RMI1: variants seen among roughly 807,000 people sequenced by gnomAD.
RMI1 encodes the protein RecQ mediated genome instability 1.
A neutral mutation model predicts 46.7 loss-of-function variants in RMI1; 36 were observed. The observed-to-expected ratio is 0.77, with a 90% CI of 0.59 to 1.02. The LOEUF (loss-of-function observed/expected upper bound fraction) is 1.02, where lower values mean the gene tolerates loss of function less well. RMI1 is among the 50% of genes least tolerant of loss of function. The pLI is 0.00. For synonymous variants in RMI1, 250 were observed against 252.9 expected (o/e 0.99, Z 0.11); for missense variants, 676 against 713.7 (o/e 0.95, Z 0.60).
rs1957757914 is a variant in RMI1 at position 84,002,725 on chromosome 9, A to C, written c.1739A>C (p.Lys580Thr). 1.2e-6 allele frequency: 2 copies of C among 1,613,948 alleles called. No homozygotes were observed. Among genetic ancestry groups the C allele is most frequent in the East Asian group, 4.5e-5 (2 of 44,814 alleles). ...CAAAAGTTCCTGGAAGGGTTGCAGAAATGTCAAAGAGATCTAATAGATTTG... is the reference window on the plus strand; with the variant it reads ...CAAAAGTTCCTGGAAGGGTTGCAGACATGTCAAAGAGATCTAATAGATTTG... ...QYQKFLEGLQ[K>T]CQRDLIDLCC... Residue 580 changes from lysine to threonine, a missense_variant, in exon 3 of 3, where the codon AAA becomes ACA. Coordinates refer to ENST00000445877, the MANE Select transcript of RMI1 (RefSeq NM_001358291.2).
chr9:83,989,965 TAAAG>T (rs967680964), intron 1 of RMI1, among the ~76,000 whole-genome samples: 1 of 152,144 alleles, frequency 6.6e-6, no homozygotes, highest in African/African-American at 2.4e-5. Context: ...GACGAATGGA[TAAAG>T]AAAATGTATA....
intron 1 of RMI1, among the ~76,000 whole-genome samples, chr9:83,989,667 C>CAAAAAAAAAAAAA (rs34101686): frequency 1.4e-5 from 2 of 142,010 alleles, no homozygotes; most frequent in Non-Finnish European, 3.0e-5. Context: ...ATCAAAAAGA[C>CAAAAAAAAAAAAA]AAAAAAAAAA....
At chr9:83,986,526 T>C (rs1957492638) in intron 1 of RMI1, among the ~76,000 whole-genome samples, 1 of 152,244 alleles carries the variant, frequency 6.6e-6, no homozygotes, top group Non-Finnish European at 1.5e-5. Context: ...GTATGATATG[T>C]ATGCCTTAAT....
chr9:83,981,625 T>C (rs746367896), intron 1 of RMI1, among the ~76,000 whole-genome samples: 2 of 152,170 alleles, frequency 1.3e-5, no homozygotes, highest in Non-Finnish European at 2.9e-5. Context: ...TCCTTACTCG[T>C]CAACCTTCCA....
intron 1 of RMI1, among the ~76,000 whole-genome samples, chr9:83,996,860 A>G (rs1453297682): frequency 1.3e-5 from 2 of 152,072 alleles, no homozygotes; most frequent in Non-Finnish European, 2.9e-5. Context: ...GGGAGGGCAG[A>G]GAGGGAGAAG....
At chr9:83,998,884 T>C (rs962491010) in intron 1 of RMI1, among the ~76,000 whole-genome samples, 8 of 152,232 alleles carry the variant, frequency 5.3e-5, no homozygotes, top group African/African-American at 1.7e-4. Context: ...CTCACACCTG[T>C]AATCCCAGGA....
At position 83,988,758 on chromosome 9, in the gene RMI1, A is replaced by G. The variant is rs560181577; in HGVS notation, c.-126+7867A>G. On this transcript the variant is annotated intron_variant, in intron 1 of 2. Coordinates refer to ENST00000445877, the MANE Select transcript of RMI1 (RefSeq NM_001358291.2). Reference sequence around the variant, plus strand: ...ATATCACCTTTGATTTTAATTTTGCATTTCCCTGATGTCTAATAATATTGA... The same window carrying G: ...ATATCACCTTTGATTTTAATTTTGCGTTTCCCTGATGTCTAATAATATTGA... Among the ~76,000 whole-genome samples, 26 of 152,242 alleles carry G rather than the reference A, an allele frequency of 1.7e-4. No homozygotes were observed. The East Asian group carries it at 4.4e-3, about 26-fold the overall frequency.
intron 1 of RMI1, among the ~76,000 whole-genome samples, chr9:83,981,637 C>T (rs1957399675): frequency 2.0e-5 from 3 of 152,222 alleles, no homozygotes; most frequent in Admixed American, 2.0e-4. Context: ...AACCTTCCAG[C>T]CTCCGCCCAC....
At chr9:83,992,290 C>T (rs922703012) in intron 1 of RMI1, among the ~76,000 whole-genome samples, 35 of 152,236 alleles carry the variant, frequency 2.3e-4, no homozygotes, top group Middle Eastern at 6.8e-3. Context: ...TAATATATAT[C>T]ATTGAATCAT....
rs756364458 is a variant in RMI1, at chr9:84,001,429, G to T, written c.443G>T (p.Gly148Val). The change falls in exon 3 of 3, where the codon GGA (glycine) becomes GTA (valine). Residue 148 changes from glycine (G) to valine (V), a missense_variant. Transcript: ENST00000445877. ...QLTDGIVQIQ[G>V]MEYQPIPILH... ...ACTGATGGAATCGTACAAATACAGG[G>T]AATGGAATATCAGCCTATTCCAATT... The T allele has an allele frequency of 6.2e-7, 1 of 1,614,066 alleles. No individual in the cohort carries two copies. Among genetic ancestry groups the T allele is most frequent in the South Asian group, 1.1e-5 (1 of 91,078 alleles).
chr9:83,992,631 A>C (rs1201806207), intron 1 of RMI1, among the ~76,000 whole-genome samples: 1 of 152,248 alleles, frequency 6.6e-6, no homozygotes, highest in African/African-American at 2.4e-5. Flanking sequence ...ATGTTCATGA[A>C]TGACCACGAG....
In RMI1 at chr9:84,001,923, G is replaced by T; in HGVS notation, c.937G>T (p.Asp313Tyr). 2.5e-6 allele frequency: 4 copies of T among 1,613,992 alleles called. No individual in the cohort carries two copies. The highest frequency in any genetic ancestry group is 3.4e-6 in the Non-Finnish European group (4 of 1,179,944). ...ACATGTAATGGATGGAGAATTAGAT[G>T]ACTTTTCACTGGAGGAGGCCTTGCT... ...SIHVMDGELD[D>Y]FSLEEALLLE... is the part of the protein sequence containing the mutation. The change falls in exon 3 of 3, where the codon GAC becomes TAC. Residue 313 changes from aspartate (D) to tyrosine (Y), a missense_variant. Transcript: ENST00000445877.
chr9:83,988,657 C>T (rs117082096), intron 1 of RMI1, among the ~76,000 whole-genome samples: 346 of 152,268 alleles, frequency 2.3e-3, no homozygotes, highest in Middle Eastern at 6.8e-3. Context: ...GTGGCTGTGC[C>T]ATTTTGCATT....
chr9:83,996,772 G>T (rs987168325), intron 1 of RMI1, among the ~76,000 whole-genome samples: 4 of 152,104 alleles, frequency 2.6e-5, no homozygotes, highest in African/African-American at 7.2e-5. Context: ...ACAGGAGCAG[G>T]CTGGGGAGGC....
At chr9:83,993,951 T>C (rs1343612611) in intron 1 of RMI1, among the ~76,000 whole-genome samples, 1 of 150,260 alleles carries the variant, frequency 6.7e-6, no homozygotes, top group Non-Finnish European at 1.5e-5. Context: ...GGCTAATTTT[T>C]TTTTTTTTTT....
At chr9:83,997,169 T>C (rs1287627507) in intron 1 of RMI1, among the ~76,000 whole-genome samples, 1 of 134,124 alleles carries the variant, frequency 7.5e-6, no homozygotes, top group Non-Finnish European at 1.5e-5. Flanking sequence ...TGGAGTGCAA[T>C]GGCGCAACCT....
At chr9:83,997,428 GA>G (rs57493066) in intron 1 of RMI1, among the ~76,000 whole-genome samples, 5,097 of 140,698 alleles carry the variant, frequency 0.036, 251 homozygotes, top group African/African-American at 0.12. Context: ...TCCCTTAATT[GA>G]AAAAAAAAAA....
rs1957738906 is a variant in RMI1, at chr9:84,001,689, G to A, written c.703G>A (p.Val235Ile). The stretch of plus-strand genomic sequence containing the variant: ...CGAAAACATTCCCAGAGTTACAGAT[G>A]TTCTAGATCCTGCATTAGGTCCTTC... The part of the protein sequence containing the change: ...SNENIPRVTD[V>I]LDPALGPSDE... The change falls in exon 3 of 3, where the codon GTT becomes ATT. Residue 235 changes from valine to isoleucine, a missense_variant. By Grantham distance (29) the Val-to-Ile change is conservative. Coordinates refer to ENST00000445877, the MANE Select transcript of RMI1 (RefSeq NM_001358291.2). 6.2e-7 allele frequency: 1 copy of A among 1,613,932 alleles called. No individual in the cohort carries two copies.
chr9:83,994,476 A>G (rs894531785), intron 1 of RMI1, among the ~76,000 whole-genome samples: 3 of 152,288 alleles, frequency 2.0e-5, no homozygotes, highest in South Asian at 2.1e-4. Context: ...ATTTTTGTAT[A>G]TGGTGTGAGA....
Sources: allele counts gnomAD v4.1 joint callset (sites outside exome capture counted in the v4.1 genomes callset), GRCh38; gene constraint gnomAD v4.1.1; transcripts MANE v1.5; gene names NCBI Gene and HGNC (gene_info 2026-07-23, HGNC 2026-07-21).